The following ZCCHC17 variants were observed in gnomAD, a reference collection of about 807,000 sequenced individuals.
The protein encoded by ZCCHC17 is zinc finger CCHC domain-containing protein 17.
ZCCHC17 carries 18 observed loss-of-function variants against 30.6 expected under a neutral mutation model. That is an observed-to-expected ratio of 0.59 (90% CI 0.41 to 0.87). The LOEUF (loss-of-function observed/expected upper bound fraction) is 0.87. Ranked by LOEUF, ZCCHC17 falls within the 40% of genes least tolerant of loss-of-function variation. The probability of loss-of-function intolerance (pLI) is 0.00; values close to 1 mark genes in which losing one functional copy is unlikely to be tolerated. For synonymous variants in ZCCHC17, 88 were observed against 92.4 expected, an observed-to-expected ratio of 0.95 and a Z score of 0.27; for missense variants, 263 against 284.2, an observed-to-expected ratio of 0.93 and a Z score of 0.54.
chr1:31,352,331 A>G (rs567325047), intron 7 of ZCCHC17, among the ~76,000 whole-genome samples: 3 of 152,230 alleles, frequency 2.0e-5, no homozygotes, highest in East Asian at 3.9e-4. Context: ...TCCTCCCTGC[A>G]CTTGCAACCA....
intron 3 of ZCCHC17, among the ~76,000 whole-genome samples, chr1:31,321,892 T>G (rs1646869795): frequency 6.6e-6 from 1 of 152,200 alleles, no homozygotes; most frequent in South Asian, 2.1e-4. Flanking sequence ...ATACTTGAAA[T>G]GACAAAGTTA....
chr1:31,298,689 T>TC (rs1194757600), intron 1 of ZCCHC17, among the ~76,000 whole-genome samples: 7 of 152,158 alleles, frequency 4.6e-5, no homozygotes, highest in Admixed American at 2.0e-4. Context: ...CCAGCTGAGA[T>TC]CAGTTTTTAT....
chr1:31,334,882 G>T (rs572836543), intron 3 of ZCCHC17, among the ~76,000 whole-genome samples: 1 of 152,128 alleles, frequency 6.6e-6, no homozygotes, highest in Admixed American at 6.5e-5. Context: ...TGAATATTTT[G>T]ATGTAAATCA....
intron 1 of ZCCHC17, among the ~76,000 whole-genome samples, chr1:31,306,865 G>A (rs1332351566): frequency 6.6e-6 from 1 of 151,612 alleles, no homozygotes; most frequent in Admixed American, 6.6e-5. Flanking sequence ...TTGAGACGGA[G>A]TCTTGCTCTG....
At chr1:31,298,402 TTG>T (rs1427372545) in intron 1 of ZCCHC17, among the ~76,000 whole-genome samples, 10 of 151,894 alleles carry the variant, frequency 6.6e-5, no homozygotes, top group Admixed American at 3.3e-4. Flanking sequence ...TTTTTTTTTT[TTG>T]AGACAGGTTC....
At chr1:31,336,153 A>G (rs567739963) in intron 3 of ZCCHC17, among the ~76,000 whole-genome samples, 41 of 151,482 alleles carry the variant, frequency 2.7e-4, no homozygotes, top group African/African-American at 9.0e-4. Context: ...GCTCACTCCA[A>G]CCTCTGCCTC....
rs868682430 is a variant in ZCCHC17 at position 31,305,947 on chromosome 1, A to G, written c.-55-4097A>G. ...GGATACATTCCAAGACCCCCATTGG[A>G]TCCCTAAAATTGTGGGCACTGCTGA... On this transcript the variant is annotated intron_variant, in intron 1 of 7. Coordinates refer to ENST00000344147, the MANE Select transcript of ZCCHC17 (RefSeq NM_016505.4). Among the ~76,000 whole-genome samples the G allele has an allele frequency of 3.3e-5, 5 of 152,266 alleles. No individual in the cohort carries two copies. The Middle Eastern group carries it at 0.01, about 311-fold the overall frequency.
intron 1 of ZCCHC17, among the ~76,000 whole-genome samples, chr1:31,301,955 C>G (rs12118473): frequency 0.14 from 21,793 of 152,100 alleles, 1,710 homozygotes; most frequent in African/African-American, 0.17. Flanking sequence ...CGGCCGGGTG[C>G]GGTGGTTCAC....
intron 1 of ZCCHC17, among the ~76,000 whole-genome samples, chr1:31,305,001 A>G (rs1354537142): frequency 6.6e-6 from 1 of 152,166 alleles, no homozygotes; most frequent in Non-Finnish European, 1.5e-5. Flanking sequence ...TACAGTAGGC[A>G]CCCTTGCAGT....
chr1:31,299,766 G>C (rs1036456430), intron 1 of ZCCHC17, among the ~76,000 whole-genome samples: 1 of 152,150 alleles, frequency 6.6e-6, no homozygotes, highest in African/African-American at 2.4e-5. Context: ...GTCTGCAACT[G>C]TCCCTGACCA....
intron 1 of ZCCHC17, among the ~76,000 whole-genome samples, chr1:31,298,358 A>G (rs1031718427): frequency 8.6e-5 from 13 of 150,640 alleles, no homozygotes; most frequent in African/African-American, 3.2e-4. Context: ...AGGGAACACT[A>G]GAAGATGATT....
intron 3 of ZCCHC17, among the ~76,000 whole-genome samples, chr1:31,331,304 C>A (rs1638573210): frequency 6.6e-6 from 1 of 151,962 alleles, no homozygotes; most frequent in African/African-American, 2.4e-5. Context: ...CCATGCCTGG[C>A]TAATTTTTGT....
Position 31,364,188 on chromosome 1 carries a change from G to C in ZCCHC17, c.721G>C (p.Glu241Gln). ...KKKKHKKKHK[E>Q] ...GAAGAAGCACAAGAAGAAGCACAAG[G>C]AGTGAGAGTATAAAGAGTGTAGGGG... Residue 241 changes from glutamate (E) to glutamine (Q), a missense_variant, in exon 8 of 8, where the codon GAG becomes CAG. Physicochemically the swap from Glu to Gln is conservative, Grantham distance 29 (BLOSUM62 2). Coordinates refer to ENST00000344147, the MANE Select transcript of ZCCHC17 (RefSeq NM_016505.4). 6.2e-7 allele frequency: 1 copy of C among 1,613,122 alleles called. No homozygotes were observed. Among genetic ancestry groups the C allele is most frequent in the African/African-American group, 1.3e-5 (1 of 74,988 alleles).
chr1:31,322,278 C>T (rs1557435577), intron 3 of ZCCHC17, among the ~76,000 whole-genome samples: 1 of 152,136 alleles, frequency 6.6e-6, no homozygotes, highest in Non-Finnish European at 1.5e-5. Context: ...GGCTCAGTCC[C>T]ACATGACTAC....
intron 7 of ZCCHC17, among the ~76,000 whole-genome samples, chr1:31,355,687 A>G (rs376707795): frequency 1.4e-4 from 21 of 152,294 alleles, no homozygotes; most frequent in African/African-American, 5.1e-4. Context: ...ATAGGTATCT[A>G]GCATTGTGTT....
At chr1:31,303,450 C>T (rs1473256288) in intron 1 of ZCCHC17, among the ~76,000 whole-genome samples, 1 of 152,046 alleles carries the variant, frequency 6.6e-6, no homozygotes, top group Non-Finnish European at 1.5e-5. Flanking sequence ...ACTCAAGTAA[C>T]AAAAAAATCT....
At chr1:31,352,309 C>T (rs1639496456) in intron 7 of ZCCHC17, among the ~76,000 whole-genome samples, 1 of 152,126 alleles carries the variant, frequency 6.6e-6, no homozygotes, top group Non-Finnish European at 1.5e-5. Flanking sequence ...AATAACGCCC[C>T]CCATTCACCC....
At chr1:31,348,753 G>A (rs768852121) in intron 6 of ZCCHC17, 76 bp from the exon 7 acceptor site, 3 of 1,571,810 alleles carry the variant, frequency 1.9e-6, no homozygotes, top group Non-Finnish European at 2.6e-6. Context: ...CATTTCAGGA[G>A]ACTTGGGGAA....
At chr1:31,298,377 GTTTTTTTTTGT>G (rs1280715545) in intron 1 of ZCCHC17, among the ~76,000 whole-genome samples, 1 of 145,632 alleles carries the variant, frequency 6.9e-6, no homozygotes, top group African/African-American at 2.6e-5. Context: ...TTAGAGACCA[GTTTTTTTTTGT>G]TTTTTTTTTT....
Sources: gnomAD v4.1 joint callset for allele counts (sites outside exome capture counted in the v4.1 genomes callset) on GRCh38, gnomAD v4.1.1 for gene constraint, MANE v1.5 for transcripts, NCBI Gene and HGNC (gene_info 2026-07-23, HGNC 2026-07-21) for gene names.